KLHDC2: variants seen among roughly 807,000 people sequenced by gnomAD.
KLHDC2 encodes kelch domain-containing protein 2.
Under a neutral mutation model 62.3 loss-of-function variants are expected in KLHDC2, and 38 were observed. The ratio of observed to expected loss-of-function variants is 0.61; its 90% CI spans 0.47 to 0.80. The LOEUF is 0.80. KLHDC2 is among the 30% of genes least tolerant of loss of function. The pLI is 0.00. For missense variants in KLHDC2, 430 were observed against 495.3 expected, an observed-to-expected ratio of 0.87 and a Z score of 1.25; for synonymous variants, 159 against 161.0, an observed-to-expected ratio of 0.99 and a Z score of 0.09.
At chr14:49,779,556 T>A (rs1566636794) in intron 6 of KLHDC2, 39 bp from the exon 7 acceptor site, 5 of 1,498,578 alleles carry the variant, frequency 3.3e-6, no homozygotes, top group Non-Finnish European at 4.6e-6. Flanking sequence ...TTTCCCTGTT[T>A]ATAAAAAGTT....
intron 3 of KLHDC2, among the ~76,000 whole-genome samples, chr14:49,777,034 G>A (rs1470181150): frequency 6.6e-6 from 1 of 152,012 alleles, no homozygotes; most frequent in Non-Finnish European, 1.5e-5. Flanking sequence ...AGGAAATGTG[G>A]TGCATATATA....
Position 49,783,058 on chromosome 14 carries a change from C to G in KLHDC2, c.*105C>G. 11 of 1,256,962 alleles carry G rather than the reference C, an allele frequency of 8.8e-6. No homozygotes were observed. Among genetic ancestry groups the G allele is most frequent in the Non-Finnish European group, 1.2e-5 (11 of 917,192 alleles). 77.9% of individuals were successfully genotyped at this position (1,256,962 alleles called of 1,614,324 possible). A position where few individuals can be genotyped will look rare whatever the true frequency, so the allele number is the denominator to read the frequency against. The stretch of plus-strand genomic sequence containing the variant: ...TTATATGCATTGTTGTAGTTTGCAC[C>G]TGTTGGTTTTAATGTGCATGTGAAT... On this transcript the variant is annotated 3_prime_UTR_variant, in exon 13 of 13. Transcript: ENST00000298307.
Position 49,780,286 on chromosome 14 carries a change from C to T in KLHDC2, c.847C>T (p.Leu283Phe). Residue 283 changes from leucine to phenylalanine, a missense_variant, in exon 9 of 13, where the codon CTC becomes TTC. Leu to Phe is a conservative substitution (Grantham distance 22, BLOSUM62 0). Coordinates refer to ENST00000298307, the MANE Select transcript of KLHDC2 (RefSeq NM_014315.3). ...LTPVSSDHLF[L>F]FGGFTTDKQP... is the part of the protein sequence containing the mutation. ...ACCAGTTTCTTCAGATCATCTTTTTCTCTTTGGAGGATTTACCACTGATAA... is the reference window on the plus strand; with the variant it reads ...ACCAGTTTCTTCAGATCATCTTTTTTTCTTTGGAGGATTTACCACTGATAA... The T allele has an allele frequency of 6.2e-7, 1 of 1,613,164 alleles. No homozygotes were observed.
intron 3 of KLHDC2, among the ~76,000 whole-genome samples, chr14:49,777,471 T>A (rs187429191): frequency 6.6e-6 from 1 of 152,266 alleles, no homozygotes; most frequent in Admixed American, 6.5e-5. Context: ...GGTACATGGC[T>A]GTAGTCCATC....
chr14:49,780,056 A>G lies in KLHDC2; in HGVS notation c.774-157A>G. The G allele has an allele frequency of 6.4e-6, 4 of 627,874 alleles. No individual in the cohort carries two copies. In the South Asian group the frequency reaches 8.2e-5, roughly 13 times the overall value. 38.9% of individuals were successfully genotyped at this position (627,874 alleles called of 1,614,324 possible). On this transcript the variant is annotated intron_variant, in intron 8 of 12. Coordinates refer to ENST00000298307, the MANE Select transcript of KLHDC2 (RefSeq NM_014315.3). ...CTGAAGTTGATTCTAACGTCAAAGAAAATATTTCAGTATAAAGCATGTAGT... is the reference window on the plus strand; with the variant it reads ...CTGAAGTTGATTCTAACGTCAAAGAGAATATTTCAGTATAAAGCATGTAGT...
rs1437882080 is a variant in KLHDC2 at position 49,773,561 on chromosome 14, AAAT to A, written c.234-994_234-992del. Among the ~76,000 whole-genome samples the A allele has an allele frequency of 2.4e-4, 35 of 144,104 alleles. No individual in the cohort carries two copies. The East Asian group carries it at 6.0e-3, about 25-fold the overall frequency. The allele number at this position is 144,104 out of a possible 152,430, so 94.5% of individuals were successfully genotyped here. On this transcript the variant is annotated intron_variant, in intron 2 of 12. Coordinates refer to ENST00000298307, the MANE Select transcript of KLHDC2 (RefSeq NM_014315.3). ...ACAGTGAGACCCTGTTTCTATTTAA[AAAT>A]AATAACTTTTTTTTTTTTTTTTTTT... is the stretch of plus-strand genomic sequence containing the variant.
At chr14:49,777,767 T>G (rs971910492) in intron 3 of KLHDC2, 72 bp from the exon 4 acceptor site, 4 of 805,840 alleles carry the variant, frequency 5.0e-6, no homozygotes, top group South Asian at 1.7e-5. Flanking sequence ...TCATAAATCA[T>G]AGTAAAATTA....
At position 49,780,723 on chromosome 14, in the gene KLHDC2, A is replaced by C; in HGVS notation, c.904A>C (p.Ile302Leu). The C allele has an allele frequency of 1.2e-6, 2 of 1,609,238 alleles. No individual in the cohort carries two copies. The highest frequency in any genetic ancestry group is 1.7e-6 in the Non-Finnish European group (2 of 1,175,536). Residue 302 changes from isoleucine to leucine, a missense_variant, in exon 10 of 13, where the codon ATC becomes CTC. Coordinates refer to ENST00000298307, the MANE Select transcript of KLHDC2 (RefSeq NM_014315.3). ...QPLSDAWTYCISKNEWIQFNH... is the reference protein window; with the variant it reads ...QPLSDAWTYCLSKNEWIQFNH... The stretch of plus-strand genomic sequence containing the variant: ...ATCAGGTGATGCCTGGACTTACTGC[A>C]TCAGTAAAAATGAATGGATACAATT...
At chr14:49,774,463 A>T (rs1323064156) in intron 2 of KLHDC2, 98 bp from the exon 3 acceptor site, 2 of 785,788 alleles carry the variant, frequency 2.5e-6, no homozygotes, top group African/African-American at 3.4e-5. Context: ...TTCTCATTTT[A>T]TTCCTTTATT....
At chr14:49,779,919 T>C (rs1224518734) in intron 8 of KLHDC2, 113 bp downstream of exon 8, 3 of 745,110 alleles carry the variant, frequency 4.0e-6, no homozygotes, top group Non-Finnish European at 6.7e-6. Context: ...TGAAATTAAA[T>C]AAACATAATT....
intron 2 of KLHDC2, among the ~76,000 whole-genome samples, chr14:49,772,502 G>A (rs1889684676): frequency 6.6e-6 from 1 of 152,210 alleles, no homozygotes; most frequent in East Asian, 1.9e-4. Context: ...AACAGTAGTA[G>A]TCAAGAGCAT....
At chr14:49,777,481 CTA>C (rs1167993632) in intron 3 of KLHDC2, among the ~76,000 whole-genome samples, 4 of 151,824 alleles carry the variant, frequency 2.6e-5, no homozygotes, top group African/African-American at 4.8e-5. Context: ...TGTAGTCCAT[CTA>C]TGTGGGAAGC....
At chr14:49,770,644 T>A (rs1316931977) in intron 1 of KLHDC2, among the ~76,000 whole-genome samples, 1 of 152,186 alleles carries the variant, frequency 6.6e-6, no homozygotes, top group African/African-American at 2.4e-5. Flanking sequence ...TAAATAACCT[T>A]GGGCAAATTA....
intron 1 of KLHDC2, among the ~76,000 whole-genome samples, chr14:49,769,541 G>T (rs562149332): frequency 6.6e-6 from 1 of 152,288 alleles, no homozygotes; most frequent in Non-Finnish European, 1.5e-5. Context: ...TTTCAAAGAT[G>T]GCTGTCCTGA....
At chr14:49,776,368 G>A (rs1021505078) in intron 3 of KLHDC2, among the ~76,000 whole-genome samples, 1 of 152,170 alleles carries the variant, frequency 6.6e-6, no homozygotes, top group Non-Finnish European at 1.5e-5. Flanking sequence ...ATGGAAGCTT[G>A]AGTGTCTCAG....
At position 49,768,621 on chromosome 14, in the gene KLHDC2, G is replaced by A. The variant is rs1264279123; in HGVS notation, c.153G>A (p.Lys51=). 2.5e-6 allele frequency: 4 copies of A among 1,588,596 alleles called. No individual in the cohort carries two copies. The highest frequency in any genetic ancestry group is 3.4e-6 in the Non-Finnish European group (4 of 1,169,232). ...ACATGTTCGTCTGGGGCGGCTACAA[G>A]GTCAGTGAGTGGCCGGGCCGCGACG... ...GRHMFVWGGY[K]SNQVRGLYDF... is the part of the protein sequence containing the mutation. Residue 51 remains lysine, a splice_region_variant and synonymous_variant, in exon 1 of 13, where the codon AAG becomes AAA. Transcript: ENST00000298307.
intron 2 of KLHDC2, among the ~76,000 whole-genome samples, chr14:49,772,309 A>AT (rs2007844467): frequency 6.6e-6 from 1 of 151,794 alleles, no homozygotes; most frequent in African/African-American, 2.4e-5. Context: ...AAATTGTTAG[A>AT]TTTTAGATTG....
intron 2 of KLHDC2, 24 bp downstream of exon 2, chr14:49,771,697 G>A (rs770308095): frequency 8.0e-7 from 1 of 1,245,158 alleles, no homozygotes; most frequent in African/African-American, 1.5e-5. Context: ...TTATAAGGGG[G>A]ACTAAAAAAT....
rs1177386367 is a variant in KLHDC2, at chr14:49,784,911, AAGG to A, written c.*1961_*1963del. 5 of 1,607,158 alleles carry A rather than the reference AAGG, an allele frequency of 3.1e-6. No individual in the cohort carries two copies. Among genetic ancestry groups the A allele is most frequent in the African/African-American group, 1.3e-5 (1 of 74,732 alleles). ...TGTCAGTCTCCACATTCCTTTTCTGAAGGAGAACTTTACCTTTACGCTGCGGAA... is the reference window on the plus strand; with the variant it reads ...TGTCAGTCTCCACATTCCTTTTCTGAAGAACTTTACCTTTACGCTGCGGAA... On this transcript the variant is annotated 3_prime_UTR_variant, in exon 13 of 13. Coordinates refer to ENST00000298307, the MANE Select transcript of KLHDC2 (RefSeq NM_014315.3).
Sources: gnomAD v4.1 joint callset for allele counts (sites outside exome capture counted in the v4.1 genomes callset) on GRCh38, gnomAD v4.1.1 for gene constraint, MANE v1.5 for transcripts, NCBI Gene and HGNC (gene_info 2026-07-23, HGNC 2026-07-21) for gene names.